Variants in INSR observed in about 807,000 individuals in gnomAD.
INSR encodes the protein insulin receptor.
In INSR, 67 loss-of-function variants were observed where a neutral mutation model predicts 142.6. The ratio of observed to expected loss-of-function variants is 0.47; its 90% CI spans 0.39 to 0.58. The LOEUF (loss-of-function observed/expected upper bound fraction) is 0.58, where lower values mean the gene tolerates loss of function less well. Ranked by LOEUF, INSR falls within the 20% of genes least tolerant of loss-of-function variation. The pLI is 0.00. For missense variants in INSR, 1,248 were observed against 1,833.2 expected (o/e 0.68, Z 5.83); for synonymous variants, 756 against 743.1 (o/e 1.02, Z -0.28).
At chr19:7,237,873 T>TA (rs1322350937) in intron 2 of INSR, among the ~76,000 whole-genome samples, 2 of 151,706 alleles carry the variant, frequency 1.3e-5, no homozygotes, top group East Asian at 3.9e-4. Context: ...TTTAAAAATT[T>TA]AAAAAATACC....
chr19:7,116,700 CAAAA>C lies in INSR; in HGVS notation c.*352_*355del, dbSNP rs71177157. The stretch of plus-strand genomic sequence containing the variant: ...TTTTATACTGAAGCTCAGACACCAG[CAAAA>C]AAAAAAAAAAAAAAAAAGAATTTGT... On this transcript the variant is annotated 3_prime_UTR_variant, in exon 22 of 22. Coordinates refer to ENST00000302850, the MANE Select transcript of INSR (RefSeq NM_000208.4). 5.5e-3 allele frequency: 276 copies of C among 50,534 alleles called. 2 individuals are homozygous for C. Among genetic ancestry groups the C allele is most frequent in the African/African-American group, 0.016 (226 of 14,252 alleles). The allele number at this position is 50,534 out of a possible 1,614,324, so 3.1% of individuals were successfully genotyped here. A position where few individuals can be genotyped will look rare whatever the true frequency, so the allele number is the denominator to read the frequency against.
At chr19:7,154,694 C>T (rs575251559) in intron 9 of INSR, among the ~76,000 whole-genome samples, 13 of 151,728 alleles carry the variant, frequency 8.6e-5, no homozygotes, top group South Asian at 4.2e-4. Context: ...GAGGCCGAGG[C>T]GGGCAGATCA....
chr19:7,164,654 CAAAAAAAAAAA>C (rs539037803), intron 8 of INSR, among the ~76,000 whole-genome samples: 2 of 76,056 alleles, frequency 2.6e-5, no homozygotes, highest in East Asian at 7.7e-4. Flanking sequence ...CTTGTCTCTA[CAAAAAAAAAAA>C]AAAAAAAAAA....
intron 15 of INSR, 71 bp downstream of exon 15, chr19:7,128,781 C>T (rs1972706343): frequency 1.0e-6 from 1 of 993,626 alleles, no homozygotes; most frequent in African/African-American, 1.6e-5. Context: ...TATGCCTATA[C>T]CTATATCAAG....
In INSR at chr19:7,112,679, A is replaced by C. The variant is rs373740844; in HGVS notation, c.*4377T>G. On this transcript the variant is annotated 3_prime_UTR_variant, in exon 22 of 22. Coordinates refer to ENST00000302850, the MANE Select transcript of INSR (RefSeq NM_000208.4). The stretch of plus-strand genomic sequence containing the variant: ...TTAACAAGGATTTTCAGTGGCCCGC[A>C]CCCAGATAGAAATTTGGCTGGTGGC... 8.5e-5 allele frequency: 13 copies of C among 152,224 alleles called. No individual in the cohort carries two copies. Among genetic ancestry groups the C allele is most frequent in the African/African-American group, 3.1e-4 (13 of 41,538 alleles). 9.4% of individuals were successfully genotyped at this position (152,224 alleles called of 1,614,324 possible). A position where few individuals can be genotyped will look rare whatever the true frequency, so the allele number is the denominator to read the frequency against.
chr19:7,167,934 G>C (rs554507852), intron 7 of INSR, 34 bp downstream of exon 7: 14 of 1,613,068 alleles, frequency 8.7e-6, no homozygotes, highest in Non-Finnish European at 1.2e-5. Context: ...GCCAGCCCTC[G>C]CCTCCTCAGC....
intron 3 of INSR, among the ~76,000 whole-genome samples, chr19:7,177,021 C>T (rs1156312612): frequency 6.6e-6 from 1 of 152,158 alleles, no homozygotes; most frequent in Non-Finnish European, 1.5e-5. Context: ...TGGCAAGTGA[C>T]TTGGGCAGCC....
chr19:7,172,498 C>G, intron 4 of INSR, 64 bp from the exon 5 acceptor site: 1 of 1,544,522 alleles, frequency 6.5e-7, no homozygotes, highest in African/African-American at 1.4e-5. Context: ...TCATGATTCT[C>G]CATGGTGAGA....
At chr19:7,120,294 T>C (rs1428385103) in intron 20 of INSR, among the ~76,000 whole-genome samples, 1 of 152,208 alleles carries the variant, frequency 6.6e-6, no homozygotes, top group Non-Finnish European at 1.5e-5. Context: ...CTCCCTAAAA[T>C]GTATAAAACC....
intron 3 of INSR, 99 bp from the exon 4 acceptor site, chr19:7,174,830 G>T: frequency 8.0e-7 from 1 of 1,246,766 alleles, no homozygotes; most frequent in Non-Finnish European, 1.1e-6. Flanking sequence ...TGCCTGATAT[G>T]GTATTTCTTT....
At chr19:7,151,162 CT>C (rs1224785787) in intron 10 of INSR, among the ~76,000 whole-genome samples, 2 of 45,850 alleles carry the variant, frequency 4.4e-5, no homozygotes, top group Non-Finnish European at 1.3e-4. Flanking sequence ...TTCTTTCTTT[CT>C]CTTTCTTTCT....
intron 2 of INSR, among the ~76,000 whole-genome samples, chr19:7,254,974 A>G (rs1976842794): frequency 6.6e-6 from 1 of 152,140 alleles, no homozygotes; most frequent in South Asian, 2.1e-4. Flanking sequence ...GGATTGGGCC[A>G]AAAGGTCAGT....
At chr19:7,205,708 C>A (rs908218836) in intron 2 of INSR, among the ~76,000 whole-genome samples, 9 of 152,078 alleles carry the variant, frequency 5.9e-5, no homozygotes, top group Middle Eastern at 3.2e-3. Context: ...CCCCTCACAC[C>A]CCCCACGCCC....
At position 7,216,023 on chromosome 19, in the gene INSR, G is replaced by T. The variant is rs575980654; in HGVS notation, c.653-31386C>A. Among the ~76,000 whole-genome samples, 1 of 152,034 alleles carries T rather than the reference G, an allele frequency of 6.6e-6. No homozygotes were observed. The highest frequency in any genetic ancestry group is 6.6e-5 in the Admixed American group (1 of 15,256). On this transcript the variant is annotated intron_variant, in intron 2 of 21. Transcript: ENST00000302850. This position sits in a 1 kb window ranked among gnomAD's most constrained non-coding sequence, Gnocchi z 4.2. Reference sequence around the variant, plus strand: ...CATGGTCTCACCTGAGGGAAAAGTGGCTAAGAAGATGGAAGCAGGCTGGGC... The same window carrying T: ...CATGGTCTCACCTGAGGGAAAAGTGTCTAAGAAGATGGAAGCAGGCTGGGC...
intron 2 of INSR, among the ~76,000 whole-genome samples, chr19:7,242,505 A>T (rs1009788355): frequency 3.3e-5 from 5 of 151,956 alleles, no homozygotes; most frequent in African/African-American, 1.2e-4. Flanking sequence ...AAGGCTGAGG[A>T]GGAGGGCAGA....
chr19:7,115,905 A>G lies in INSR; in HGVS notation c.*1151T>C, dbSNP rs1972310811. On this transcript the variant is annotated 3_prime_UTR_variant, in exon 22 of 22. Coordinates refer to ENST00000302850, the MANE Select transcript of INSR (RefSeq NM_000208.4). ...GAAATGGATGCCTTTAAGACCAAAC[A>G]AAGAGGCCACTTGTGCCTGACTCCC... is the stretch of plus-strand genomic sequence containing the variant. 6.6e-6 allele frequency: 1 copy of G among 152,176 alleles called. No homozygotes were observed. The highest frequency in any genetic ancestry group is 2.1e-4 in the South Asian group (1 of 4,834). 9.4% of individuals were successfully genotyped at this position (152,176 alleles called of 1,614,324 possible).
chr19:7,138,641 G>C (rs904998837), intron 13 of INSR, among the ~76,000 whole-genome samples: 1 of 152,000 alleles, frequency 6.6e-6, no homozygotes, highest in African/African-American at 2.4e-5. Flanking sequence ...TGAGTCACTG[G>C]AATTACAGGC....
At chr19:7,280,885 G>A (rs572155325) in intron 1 of INSR, among the ~76,000 whole-genome samples, 3 of 151,842 alleles carry the variant, frequency 2.0e-5, no homozygotes, top group South Asian at 2.1e-4. Context: ...GTGACAGAGC[G>A]AGACTCGATC....
chr19:7,161,316 C>T (rs1423801383), intron 9 of INSR, among the ~76,000 whole-genome samples: 8 of 151,482 alleles, frequency 5.3e-5, no homozygotes, highest in African/African-American at 1.9e-4. Context: ...CTGGAGTGCA[C>T]TGGAATAATC....
Sources: allele counts gnomAD v4.1 joint callset (sites outside exome capture counted in the v4.1 genomes callset), GRCh38; gene constraint gnomAD v4.1.1; non-coding constraint Gnocchi (gnomAD v3.1); transcripts MANE v1.5; gene names NCBI Gene and HGNC (gene_info 2026-07-23, HGNC 2026-07-21).